Variants in RGS6 observed in about 807,000 individuals in gnomAD.
The protein encoded by RGS6 is regulator of G protein signaling 6, also known as regulator of G-protein signaling 6.
RGS6 carries 30 observed loss-of-function variants against 78.5 expected under a neutral mutation model. The ratio of observed to expected loss-of-function variants is 0.38; its 90% CI spans 0.29 to 0.52. The LOEUF is 0.52. Ranked by LOEUF, RGS6 falls within the 20% of genes least tolerant of loss-of-function variation. The pLI, the probability that RGS6 is intolerant of heterozygous loss-of-function variation, is 0.85. For synonymous variants in RGS6, 206 were observed against 206.0 expected (o/e 1.00, Z 0.00); for missense variants, 495 against 609.7 (o/e 0.81, Z 1.98).
At chr14:72,401,043 T>A (rs1406481169) in intron 3 of RGS6, among the ~76,000 whole-genome samples, 2 of 152,232 alleles carry the variant, frequency 1.3e-5, no homozygotes, top group African/African-American at 4.8e-5. Context: ...CTGATAAAAA[T>A]TTTGACTGGT....
chr14:72,410,437 T>G (rs1345533241), intron 3 of RGS6, among the ~76,000 whole-genome samples: 3 of 152,218 alleles, frequency 2.0e-5, no homozygotes, highest in Admixed American at 6.5e-5. Flanking sequence ...CTTGTAAATT[T>G]GTTGGAGTTC....
At chr14:72,626,351 C>T in the RGS6 span, among the ~76,000 whole-genome samples, 2 of 152,044 alleles carry the variant, frequency 1.3e-5, no homozygotes, top group African/African-American at 4.8e-5. Flanking sequence ...CCTGTTTATT[C>T]TTCTTATATT....
chr14:72,187,600 G>C (rs2097264325), intron 2 of RGS6, among the ~76,000 whole-genome samples: 1 of 152,112 alleles, frequency 6.6e-6, no homozygotes, highest in South Asian at 2.1e-4. Flanking sequence ...CCAGCATGAA[G>C]GAGGACACCC....
At chr14:72,268,547 A>G (rs1376548208) in intron 2 of RGS6, among the ~76,000 whole-genome samples, 2 of 152,234 alleles carry the variant, frequency 1.3e-5, no homozygotes, top group Non-Finnish European at 2.9e-5. Flanking sequence ...AAGAGCCTGC[A>G]TGGATGTGGT....
intron 2 of RGS6, among the ~76,000 whole-genome samples, chr14:72,283,146 G>C (rs1187890330): frequency 6.6e-6 from 1 of 152,116 alleles, no homozygotes; most frequent in African/African-American, 2.4e-5. Context: ...TGTGTGTATA[G>C]ACTATATTTT....
chr14:72,505,405 C>CTCTGG (rs2153435061), intron 13 of RGS6, among the ~76,000 whole-genome samples: 1 of 152,304 alleles, frequency 6.6e-6, no homozygotes, highest in Non-Finnish European at 1.5e-5. Context: ...AGGGAGCTCT[C>CTCTGG]TCTGGTCTCT....
chr14:72,504,710 C>T (rs1193018701), intron 13 of RGS6, among the ~76,000 whole-genome samples: 1 of 150,240 alleles, frequency 6.7e-6, no homozygotes, highest in East Asian at 2.0e-4. Flanking sequence ...GGTTCCTCTC[C>T]CCTCCTCTCC....
At chr14:71,874,438 CTGTT>C in the RGS6 span, among the ~76,000 whole-genome samples, 81 of 152,236 alleles carry the variant, frequency 5.3e-4, no homozygotes, top group African/African-American at 1.9e-3. Context: ...ATTTGGCTCT[CTGTT>C]TGTTTGTTGG....
chr14:72,340,153 T>C (rs2076727249), intron 2 of RGS6, among the ~76,000 whole-genome samples: 1 of 152,210 alleles, frequency 6.6e-6, no homozygotes, highest in Non-Finnish European at 1.5e-5. Flanking sequence ...CTGACCTTGA[T>C]GCTCATTTCT....
intron 3 of RGS6, among the ~76,000 whole-genome samples, chr14:72,400,527 A>C (rs1490846769): frequency 6.6e-6 from 1 of 152,240 alleles, no homozygotes; most frequent in Non-Finnish European, 1.5e-5. Flanking sequence ...GCTATAAGCT[A>C]TCGATGGAAC....
chr14:71,882,264 G>A, the RGS6 span, among the ~76,000 whole-genome samples: 13 of 152,206 alleles, frequency 8.5e-5, no homozygotes, highest in African/African-American at 3.1e-4. Flanking sequence ...GTGCTGTAGT[G>A]TATGTCAGAA....
intron 2 of RGS6, among the ~76,000 whole-genome samples, chr14:72,285,498 CTG>C (rs1427090530): frequency 1.3e-5 from 2 of 152,164 alleles, no homozygotes; most frequent in Non-Finnish European, 2.9e-5. Context: ...TCATGTGGAA[CTG>C]TGAGTCCATT....
the RGS6 span, among the ~76,000 whole-genome samples, chr14:71,919,736 G>A: frequency 6.6e-6 from 1 of 152,170 alleles, no homozygotes; most frequent in Non-Finnish European, 1.5e-5. Context: ...GCTCACACCT[G>A]TAAGCCTGGC....
chr14:72,336,439 A>C (rs1315416497), intron 2 of RGS6, among the ~76,000 whole-genome samples: 2 of 152,140 alleles, frequency 1.3e-5, no homozygotes, highest in Non-Finnish European at 2.9e-5. Flanking sequence ...ATCAGACAAT[A>C]TGCAAGAAGT....
intron 17 of RGS6, chr14:72,550,644 TA>T: frequency 6.7e-7 from 1 of 1,499,040 alleles, no homozygotes; most frequent in Non-Finnish European, 8.9e-7. Context: ...GAGGCATCCA[TA>T]ATTCTAAATA....
intron 6 of RGS6, among the ~76,000 whole-genome samples, chr14:72,461,164 G>C (rs1597844202): frequency 6.6e-6 from 1 of 152,304 alleles, no homozygotes. Flanking sequence ...GACTGCTCAT[G>C]AAAGCCCAAC....
chr14:71,939,227 C>G (rs2090092461), intron 1 of RGS6, among the ~76,000 whole-genome samples: 1 of 152,210 alleles, frequency 6.6e-6, no homozygotes, highest in Admixed American at 6.5e-5. Flanking sequence ...AATGCAGCAA[C>G]TTATCCTTCA....
chr14:71,908,191 GTCT>G, the RGS6 span: 1 of 152,316 alleles, frequency 6.6e-6, no homozygotes, highest in Non-Finnish European at 1.5e-5. Flanking sequence ...TCCCATGGAA[GTCT>G]TCTGTGCATT....
At chr14:71,902,422 C>T in the RGS6 span, among the ~76,000 whole-genome samples, 1 of 152,070 alleles carries the variant, frequency 6.6e-6, no homozygotes, top group Non-Finnish European at 1.5e-5. Context: ...GGTAGCAAGC[C>T]TTGTAAAGCC....
Sources: allele counts gnomAD v4.1 joint callset (sites outside exome capture counted in the v4.1 genomes callset), GRCh38; gene constraint gnomAD v4.1.1; transcripts MANE v1.5; gene names NCBI Gene and HGNC (gene_info 2026-07-23, HGNC 2026-07-21).